The following DGKI variants were observed in gnomAD, a reference collection of about 807,000 sequenced individuals.
The protein encoded by DGKI is DAG kinase iota.
DGKI carries 55 observed loss-of-function variants against 147.5 expected under a neutral mutation model. The observed-to-expected ratio is 0.37, with a 90% CI of 0.30 to 0.47. The LOEUF (loss-of-function observed/expected upper bound fraction) is 0.47, where lower values mean the gene tolerates loss of function less well. Ranked by LOEUF, DGKI falls within the 20% of genes least tolerant of loss-of-function variation. The pLI, the probability that DGKI is intolerant of heterozygous loss-of-function variation, is 1.00. For synonymous variants in DGKI, 469 were observed against 477.1 expected, an observed-to-expected ratio of 0.98 and a Z score of 0.22; for missense variants, 1,007 against 1,323.8, an observed-to-expected ratio of 0.76 and a Z score of 3.71.
At chr7:137,629,374 T>C (rs914585602) in intron 6 of DGKI, among the ~76,000 whole-genome samples, 1 of 152,228 alleles carries the variant, frequency 6.6e-6, no homozygotes, top group Admixed American at 6.5e-5. Flanking sequence ...TTCTATGGGA[T>C]AGCAATAACA....
intron 20 of DGKI, among the ~76,000 whole-genome samples, chr7:137,537,535 A>G (rs1817560566): frequency 1.3e-5 from 2 of 152,220 alleles, no homozygotes. Context: ...TAACAAAAGC[A>G]TGACCAACAA....
intron 12 of DGKI, among the ~76,000 whole-genome samples, 155 bp from the exon 13 acceptor site, chr7:137,587,365 G>A (rs1052369637): frequency 5.3e-5 from 8 of 152,186 alleles, no homozygotes. Context: ...GGAACAGAAA[G>A]GTCGCTTATC....
intron 1 of DGKI, among the ~76,000 whole-genome samples, chr7:137,763,313 G>A (rs151300428): frequency 6.6e-6 from 1 of 152,362 alleles, no homozygotes; most frequent in Non-Finnish European, 1.5e-5. Flanking sequence ...TGTCCAGGAA[G>A]CTACGGGTGT....
chr7:137,395,546 C>A, intron 32 of DGKI, 52 bp downstream of exon 32: 1 of 1,543,016 alleles, frequency 6.5e-7, no homozygotes. Context: ...AAGGCAACAG[C>A]GCCTGCGATC....
At chr7:137,624,170 G>A (rs374893962) in intron 6 of DGKI, among the ~76,000 whole-genome samples, 1 of 152,152 alleles carries the variant, frequency 6.6e-6, no homozygotes, top group African/African-American at 2.4e-5. Context: ...TCCTCTTAAA[G>A]GAACAAACTG....
intron 21 of DGKI, among the ~76,000 whole-genome samples, chr7:137,517,821 T>C (rs992898984): frequency 1.1e-4 from 17 of 152,160 alleles, no homozygotes; most frequent in African/African-American, 3.9e-4. Context: ...CATTCAGTAT[T>C]TACATGCTTC....
At chr7:137,684,745 T>C (rs148216580) in intron 2 of DGKI, among the ~76,000 whole-genome samples, 2 of 152,304 alleles carry the variant, frequency 1.3e-5, no homozygotes, top group African/African-American at 4.8e-5. Flanking sequence ...CAACAAACAG[T>C]CTCATTTATC....
intron 19 of DGKI, among the ~76,000 whole-genome samples, chr7:137,565,575 A>G (rs959242950): frequency 6.6e-6 from 1 of 152,218 alleles, no homozygotes; most frequent in African/African-American, 2.4e-5. Flanking sequence ...ATTAACAAAA[A>G]GAAAGCTGGA....
intron 27 of DGKI, among the ~76,000 whole-genome samples, chr7:137,448,375 T>C (rs991430515): frequency 1.4e-5 from 2 of 147,866 alleles, no homozygotes; most frequent in African/African-American, 5.0e-5. Context: ...ATGACATCTA[T>C]GCAAAAATAC....
In DGKI at chr7:137,840,091, C is replaced by T. The variant is rs559632259; in HGVS notation, c.401+6371G>A. On this transcript the variant is annotated intron_variant, in intron 1 of 32. Coordinates refer to ENST00000614521, the MANE Select transcript of DGKI (RefSeq NM_001321708.2). ...TTTCTCTAAAGTAACCCAAGCAGTG[C>T]TCATCCCTCCTCTCCCTAAACACTA... Among the ~76,000 whole-genome samples the T allele has an allele frequency of 1.6e-4, 24 of 152,328 alleles. No homozygotes were observed. The South Asian group carries it at 5.0e-3, about 32-fold the overall frequency.
intron 1 of DGKI, among the ~76,000 whole-genome samples, chr7:137,781,878 A>C (rs1431991792): frequency 6.6e-6 from 1 of 152,216 alleles, no homozygotes; most frequent in African/African-American, 2.4e-5. Flanking sequence ...TGGTCATCTC[A>C]AGTGCTACAT....
chr7:137,815,450 G>T (rs776182897), intron 1 of DGKI, among the ~76,000 whole-genome samples: 7 of 107,990 alleles, frequency 6.5e-5, no homozygotes, highest in Non-Finnish European at 1.2e-4. Context: ...CAACAGAAAA[G>T]TTCACTGATC....
At chr7:137,427,797 C>A (rs968912430) in intron 28 of DGKI, among the ~76,000 whole-genome samples, 9 of 152,178 alleles carry the variant, frequency 5.9e-5, no homozygotes, top group Admixed American at 2.6e-4. Context: ...ACTAGAATAC[C>A]TAGAAGAAAT....
chr7:137,430,195 A>G (rs1563014485), intron 28 of DGKI, among the ~76,000 whole-genome samples: 1 of 147,234 alleles, frequency 6.8e-6, no homozygotes, highest in Non-Finnish European at 1.5e-5. Flanking sequence ...AAAATGTGGC[A>G]CATACACACC....
At chr7:137,645,942 C>G (rs1440550602) in intron 5 of DGKI, among the ~76,000 whole-genome samples, 4 of 152,172 alleles carry the variant, frequency 2.6e-5, no homozygotes, top group African/African-American at 4.8e-5. Flanking sequence ...ACTTCTCATG[C>G]CCTCCCTCCA....
chr7:137,838,016 T>G (rs1340236867), intron 1 of DGKI, among the ~76,000 whole-genome samples: 1 of 147,812 alleles, frequency 6.8e-6, no homozygotes, highest in Non-Finnish European at 1.5e-5. Flanking sequence ...TTTTTTTTTT[T>G]TTTTTTAGAC....
chr7:137,497,489 G>A (rs1816010968), intron 21 of DGKI, among the ~76,000 whole-genome samples: 1 of 151,954 alleles, frequency 6.6e-6, no homozygotes, highest in African/African-American at 2.4e-5. Flanking sequence ...ACACATGCAC[G>A]TGTATGTTCA....
intron 15 of DGKI, among the ~76,000 whole-genome samples, chr7:137,580,271 T>C (rs1455519677): frequency 6.6e-6 from 1 of 152,150 alleles, no homozygotes; most frequent in African/African-American, 2.4e-5. Flanking sequence ...GAATATGAGA[T>C]AAAAAATGGG....
intron 1 of DGKI, among the ~76,000 whole-genome samples, chr7:137,750,135 G>C (rs1218889053): frequency 6.6e-6 from 1 of 152,174 alleles, no homozygotes; most frequent in African/African-American, 2.4e-5. Context: ...ACCAGATAAG[G>C]AGGCAAGCAC....
Sources: allele counts gnomAD v4.1 joint callset (sites outside exome capture counted in the v4.1 genomes callset), GRCh38; gene constraint gnomAD v4.1.1; transcripts MANE v1.5; gene names NCBI Gene and HGNC (gene_info 2026-07-23, HGNC 2026-07-21).